Variants in IRF4 observed in about 807,000 individuals in gnomAD.
IRF4 encodes interferon regulatory factor 4.
Under a neutral mutation model 55.5 loss-of-function variants are expected in IRF4, and 13 were observed. The ratio of observed to expected loss-of-function variants is 0.23; its 90% CI spans 0.15 to 0.37. The LOEUF is 0.37. IRF4 is among the 10% of genes least tolerant of loss of function. IRF4 has a pLI of 1.00. For synonymous variants in IRF4, 249 were observed against 240.7 expected (o/e 1.03, Z -0.32); for missense variants, 397 against 593.8 (o/e 0.67, Z 3.44).
At chr6:395,238 T>TC (rs567666072) in intron 3 of IRF4, among the ~76,000 whole-genome samples, 5 of 144,536 alleles carry the variant, frequency 3.5e-5, no homozygotes, top group Admixed American at 6.8e-5. Context: ...TCAATGTATA[T>TC]GGGGGGGGGT....
At position 393,840 on chromosome 6, in the gene IRF4, T is replaced by A. The variant is rs1394913919; in HGVS notation, c.216+472T>A. Among the ~76,000 whole-genome samples the A allele has an allele frequency of 8.4e-6, 1 of 119,116 alleles. No homozygotes were observed. The highest frequency in any genetic ancestry group is 3.0e-4 in the East Asian group (1 of 3,300). The allele number at this position is 119,116 out of a possible 152,430, so 78.1% of individuals were successfully genotyped here. On this transcript the variant is annotated intron_variant, in intron 2 of 8. Coordinates refer to ENST00000380956, the MANE Select transcript of IRF4 (RefSeq NM_002460.4). This position sits in a 1 kb window ranked among gnomAD's most constrained non-coding sequence, Gnocchi z 5.4. ...TTTTCGCTGCTTTTCTCTCTGAGTCTCTCTCTCTCCATGTTTTTCCTGAGG... is the reference window on the plus strand; with the variant it reads ...TTTTCGCTGCTTTTCTCTCTGAGTCACTCTCTCTCCATGTTTTTCCTGAGG...
At chr6:391,855 A>G (rs1017916724) in intron 1 of IRF4, 46 bp downstream of exon 1, 1 of 455,092 alleles carries the variant, frequency 2.2e-6, no homozygotes, top group Non-Finnish European at 4.4e-6. Flanking sequence ...GGCTGATACC[A>G]GAGAGGACCC....
chr6:407,580 T>G lies in IRF4; in HGVS notation c.1338T>G (p.His446Gln). 1.2e-6 allele frequency: 2 copies of G among 1,605,558 alleles called. No individual in the cohort carries two copies. The highest frequency in any genetic ancestry group is 1.7e-6 in the Non-Finnish European group (2 of 1,177,850). Residue 446 changes from histidine (H) to glutamine (Q), a missense_variant, in exon 9 of 9, where the codon CAT becomes CAG. This residue lies in a region of IRF4 where 22 missense variants were observed against 16.3 expected (regional missense o/e 1.35). Coordinates refer to ENST00000380956, the MANE Select transcript of IRF4 (RefSeq NM_002460.4). ...AAGATTACCACAGATCTATCCGCCA[T>G]TCCTCTATTCAAGAATGAAAAATGT... ...NPEDYHRSIR[H>Q]SSIQE
intron 3 of IRF4, 27 bp from the exon 4 acceptor site, chr6:395,820 C>T (rs1349564472): frequency 1.3e-6 from 2 of 1,570,840 alleles, no homozygotes; most frequent in Admixed American, 1.7e-5. Flanking sequence ...TTACGTTGTG[C>T]CATTTCCCTT....
At chr6:403,558 AGGCAGGG>A (rs1290407782) in intron 7 of IRF4, among the ~76,000 whole-genome samples, 1 of 152,244 alleles carries the variant, frequency 6.6e-6, no homozygotes, top group East Asian at 1.9e-4. Context: ...GAGACAGCAC[AGGCAGGG>A]GGTGGACGCC....
At position 402,513 on chromosome 6, in the gene IRF4, T is replaced by A. The variant is rs574109374; in HGVS notation, c.1099+736T>A. On this transcript the variant is annotated intron_variant, in intron 7 of 8. Coordinates refer to ENST00000380956, the MANE Select transcript of IRF4 (RefSeq NM_002460.4). The stretch of plus-strand genomic sequence containing the variant: ...CTTCCTCTGCCTTTTCCCAGTCCTG[T>A]CCCTTCCTGAGCCCCTTCAGAAACT... Among the ~76,000 whole-genome samples the A allele has an allele frequency of 2.0e-5, 3 of 152,328 alleles. No homozygotes were observed. In the East Asian group the frequency reaches 5.8e-4, roughly 29 times the overall value.
chr6:397,343 A>G (rs559874949), intron 5 of IRF4, 91 bp downstream of exon 5: 3 of 1,468,886 alleles, frequency 2.0e-6, no homozygotes, highest in South Asian at 1.2e-5. Flanking sequence ...GGGCAGCACC[A>G]AAGCTCTTTC....
chr6:394,748 C>CT, intron 2 of IRF4, 73 bp from the exon 3 acceptor site: 1 of 1,435,100 alleles, frequency 7.0e-7, no homozygotes, highest in Non-Finnish European at 9.6e-7. Context: ...GAGCAGGACT[C>CT]TGATTCCAAA....
intron 2 of IRF4, among the ~76,000 whole-genome samples, chr6:394,314 G>A (rs1032601821): frequency 6.6e-6 from 1 of 152,190 alleles, no homozygotes; most frequent in Non-Finnish European, 1.5e-5. Context: ...CCCAGAAAAT[G>A]TGTCTTCAAC....
chr6:398,755 C>A, intron 5 of IRF4, 73 bp from the exon 6 acceptor site: 1 of 1,074,320 alleles, frequency 9.3e-7, no homozygotes. Flanking sequence ...GCTTCACACA[C>A]ACACCCCAGG....
intron 8 of IRF4, 68 bp from the exon 9 acceptor site, chr6:407,387 A>T: frequency 7.3e-7 from 1 of 1,367,242 alleles, no homozygotes; most frequent in Non-Finnish European, 1.0e-6. Context: ...TTAGAATCTG[A>T]GTGCTGTTTA....
chr6:394,766 C>T, intron 2 of IRF4, 55 bp from the exon 3 acceptor site: 1 of 1,520,972 alleles, frequency 6.6e-7, no homozygotes, highest in Admixed American at 1.8e-5. Context: ...AAAAAGAAAG[C>T]TAATAAACCA....
chr6:400,200 C>A (rs1761361874), intron 6 of IRF4, among the ~76,000 whole-genome samples: 1 of 152,034 alleles, frequency 6.6e-6, no homozygotes, highest in African/African-American at 2.4e-5. Flanking sequence ...TTGTGGGTTT[C>A]TTTTTTTGGT....
chr6:394,929 G>A lies in IRF4; in HGVS notation c.325G>A (p.Glu109Lys). 1 of 1,614,234 alleles carries A rather than the reference G, an allele frequency of 6.2e-7. No individual in the cohort carries two copies. The change falls in exon 3 of 9, where the codon GAA becomes AAA. Residue 109 changes from glutamate to lysine, a missense_variant. By Grantham distance (56) the Glu-to-Lys change is moderately conservative. Coordinates refer to ENST00000380956, the MANE Select transcript of IRF4 (RefSeq NM_002460.4). ...TTTGAACAAGAGCAATGACTTTGAG[G>A]AACTGGTTGAGCGGAGCCAGCTGGA... The part of the protein sequence containing the change: ...CALNKSNDFE[E>K]LVERSQLDIS...
Position 393,410 on chromosome 6 carries a change from CCCAGAGACAGAG to C in IRF4, c.216+45_216+56del. 7.0e-7 allele frequency: 1 copy of C among 1,425,400 alleles called. No individual in the cohort carries two copies. The highest frequency in any genetic ancestry group is 9.4e-7 in the Non-Finnish European group (1 of 1,067,398). 88.3% of individuals were successfully genotyped at this position (1,425,400 alleles called of 1,614,324 possible). ...GCCGGCGGGGGCGCGCCGGGGAGGG[CCCAGAGACAGAG>C]CCCGGGGTCCCCGGCGCCGCCTCCG... On this transcript the variant is annotated intron_variant, in intron 2 of 8. Transcript: ENST00000380956. The surrounding 1 kb of genome is among the most constrained non-coding windows in gnomAD (Gnocchi z 5.4).
intron 8 of IRF4, among the ~76,000 whole-genome samples, chr6:405,923 G>A (rs1159284130): frequency 6.6e-6 from 1 of 152,138 alleles, no homozygotes; most frequent in Non-Finnish European, 1.5e-5. Flanking sequence ...TTATTAACGG[G>A]CTTGCATGCT....
chr6:398,965 C>T (rs41301853), intron 6 of IRF4, 30 bp downstream of exon 6: 32,294 of 1,470,744 alleles, frequency 0.022, 482 homozygotes, highest in Middle Eastern at 0.068. Flanking sequence ...CTGGAGGCAC[C>T]GCAGGAGGCC....
chr6:397,238 C>T lies in IRF4; in HGVS notation c.623C>T (p.Pro208Leu). The T allele has an allele frequency of 6.2e-7, 1 of 1,614,258 alleles. No individual in the cohort carries two copies. Among genetic ancestry groups the T allele is most frequent in the Non-Finnish European group, 8.5e-7 (1 of 1,180,048 alleles). ...FGPRGHHWQG[P>L]ACENGCQVTG... ...CCCCGCGGCCACCACTGGCAAGGCC[C>T]AGCTTGTGAAAATGGTAAGGAGGAT... is the stretch of plus-strand genomic sequence containing the variant. The change falls in exon 5 of 9, where the codon CCA (proline) becomes CTA (leucine). Residue 208 changes from proline to leucine, a missense_variant. Pro to Leu is a moderately conservative substitution (Grantham distance 98). Around this residue, in one of 3 missense-constraint regions of IRF4, gnomAD observed 341 missense variants for 548.1 expected, o/e 0.62. Transcript: ENST00000380956.
At chr6:407,316 C>T in intron 8 of IRF4, 139 bp from the exon 9 acceptor site, 2 of 802,890 alleles carry the variant, frequency 2.5e-6, no homozygotes, top group Non-Finnish European at 1.9e-6. Flanking sequence ...TAGATGGCTC[C>T]AAATATGAAA....
Sources: gnomAD v4.1 joint callset for allele counts (sites outside exome capture counted in the v4.1 genomes callset) on GRCh38, gnomAD v4.1.1 for gene constraint, gnomAD v4.1.1 regional missense constraint, Gnocchi (gnomAD v3.1) non-coding constraint, MANE v1.5 for transcripts, NCBI Gene and HGNC (gene_info 2026-07-23, HGNC 2026-07-21) for gene names.